PLEKHA5: variants seen among roughly 807,000 people sequenced by gnomAD.
PLEKHA5 encodes pleckstrin homology domain-containing family A member 5.
Under a neutral mutation model 181.9 loss-of-function variants are expected in PLEKHA5, and 55 were observed. The observed-to-expected ratio is 0.30, with a 90% confidence interval of 0.24 to 0.38. PLEKHA5 has a LOEUF of 0.38. Among genes scored for constraint, PLEKHA5 ranks in the 10% least tolerant of loss-of-function variants. The probability of loss-of-function intolerance (pLI) is 1.00; values close to 1 mark genes in which losing one functional copy is unlikely to be tolerated. For synonymous variants in PLEKHA5, 535 were observed against 529.4 expected (o/e 1.01, Z -0.15); for missense variants, 1,432 against 1,549.5 (o/e 0.92, Z 1.27).
chr12:19,310,170 T>C (rs781404145), intron 15 of PLEKHA5, among the ~76,000 whole-genome samples: 5 of 152,180 alleles, frequency 3.3e-5, no homozygotes, highest in Non-Finnish European at 7.3e-5. Context: ...TTCAAGTGAA[T>C]CCTTAAACAT....
chr12:19,225,569 G>T (rs1270914293), intron 3 of PLEKHA5, among the ~76,000 whole-genome samples: 1 of 152,132 alleles, frequency 6.6e-6, no homozygotes, highest in Non-Finnish European at 1.5e-5. Context: ...AGAAGAACAA[G>T]ACAGTAGGAA....
intron 15 of PLEKHA5, 84 bp downstream of exon 15, chr12:19,291,781 T>G: frequency 1.5e-6 from 1 of 677,140 alleles, no homozygotes; most frequent in East Asian, 2.9e-5. Flanking sequence ...TCTCAGCTAT[T>G]TCAGTCACGT....
At chr12:19,139,724 GT>G (rs2036737643) in intron 3 of PLEKHA5, among the ~76,000 whole-genome samples, 1 of 152,188 alleles carries the variant, frequency 6.6e-6, no homozygotes, top group Non-Finnish European at 1.5e-5. Context: ...GCCTTAGCCC[GT>G]TGTGGGGGTT....
At position 19,263,168 on chromosome 12, in the gene PLEKHA5, CTATA is replaced by C. The variant is rs1207276339; in HGVS notation, c.610+2151_610+2154del. ...TAGATTTCAGTGAGATCATAATAGCCTATATATTTTTTTTTGCATATTTAGTATT... is the reference window on the plus strand; with the variant it reads ...TAGATTTCAGTGAGATCATAATAGCCTATTTTTTTTTGCATATTTAGTATT... On this transcript the variant is annotated intron_variant, in intron 7 of 31. Transcript: ENST00000429027. Among the ~76,000 whole-genome samples the C allele has an allele frequency of 3.4e-5, 5 of 147,718 alleles. No homozygotes were observed. In the South Asian group the frequency reaches 1.1e-3, roughly 32 times the overall value.
Position 19,348,395 on chromosome 12 carries a change from C to A in PLEKHA5, c.2899-4C>A. 6.4e-7 allele frequency: 1 copy of A among 1,572,732 alleles called. No individual in the cohort carries two copies. Among genetic ancestry groups the A allele is most frequent in the South Asian group, 1.2e-5 (1 of 83,334 alleles). On this transcript the variant is annotated splice_polypyrimidine_tract_variant and splice_region_variant and intron_variant, in intron 24 of 31. Transcript: ENST00000429027. ...TTAGGGTAATTACATGTCTTCCTTT[C>A]AAGGGTCCAGATTATAGACTCTACA...
intron 3 of PLEKHA5, among the ~76,000 whole-genome samples, chr12:19,168,341 A>T (rs2151614866): frequency 6.6e-6 from 1 of 152,290 alleles, no homozygotes; most frequent in South Asian, 2.1e-4. Flanking sequence ...TTTATGTATA[A>T]ATAGACTATT....
intron 13 of PLEKHA5, among the ~76,000 whole-genome samples, chr12:19,288,566 C>T (rs1842832086): frequency 6.6e-6 from 1 of 152,152 alleles, no homozygotes; most frequent in South Asian, 2.1e-4. Flanking sequence ...AAATTCTCTT[C>T]CTGCAGTAAT....
At chr12:19,358,193 A>G (rs2095054039) in intron 26 of PLEKHA5, 35 bp from the exon 27 acceptor site, 1 of 1,389,592 alleles carries the variant, frequency 7.2e-7, no homozygotes, top group South Asian at 1.2e-5. Context: ...AGAAGTTTTC[A>G]TTTATGTATT....
chr12:19,166,352 C>T (rs1414395935), intron 3 of PLEKHA5, among the ~76,000 whole-genome samples: 1 of 152,194 alleles, frequency 6.6e-6, no homozygotes, highest in African/African-American at 2.4e-5. Context: ...AAATGTCTTG[C>T]ATCTAATGTT....
At chr12:19,293,350 A>G (rs1427679802) in intron 15 of PLEKHA5, among the ~76,000 whole-genome samples, 4 of 152,146 alleles carry the variant, frequency 2.6e-5, no homozygotes, top group East Asian at 1.9e-4. Context: ...TCCACAAAAC[A>G]TTTTCATCAG....
At chr12:19,368,222 G>A (rs979720613) in intron 30 of PLEKHA5, among the ~76,000 whole-genome samples, 2 of 152,154 alleles carry the variant, frequency 1.3e-5, no homozygotes, top group African/African-American at 2.4e-5. Flanking sequence ...TGGGTGCAGT[G>A]GCTCACGCCT....
At chr12:19,340,118 A>G (rs912387223) in intron 21 of PLEKHA5, among the ~76,000 whole-genome samples, 5 of 152,166 alleles carry the variant, frequency 3.3e-5, no homozygotes, top group African/African-American at 1.2e-4. Flanking sequence ...TAGACAGAGT[A>G]AAAAGATGAC....
intron 10 of PLEKHA5, among the ~76,000 whole-genome samples, chr12:19,272,224 A>G (rs1295451701): frequency 6.6e-6 from 1 of 152,122 alleles, no homozygotes; most frequent in East Asian, 1.9e-4. Context: ...TAAGCCCATT[A>G]TTTTCATTTT....
intron 3 of PLEKHA5, chr12:19,153,976 T>C (rs1221791869): frequency 6.6e-6 from 1 of 152,200 alleles, no homozygotes; most frequent in Admixed American, 6.5e-5. Flanking sequence ...AGTTTTCAAA[T>C]GTTGCAGTGA....
intron 26 of PLEKHA5, among the ~76,000 whole-genome samples, chr12:19,356,974 A>G (rs1386738447): frequency 1.3e-5 from 2 of 151,738 alleles, no homozygotes; most frequent in South Asian, 2.1e-4. Flanking sequence ...ATTTTCAAAT[A>G]TGACTGATTT....
At chr12:19,215,411 G>A (rs1366951372) in intron 3 of PLEKHA5, among the ~76,000 whole-genome samples, 1 of 152,108 alleles carries the variant, frequency 6.6e-6, no homozygotes, top group African/African-American at 2.4e-5. Flanking sequence ...CTAGCATGCA[G>A]AAATGGCCAG....
chr12:19,135,527 T>G (rs1185048131), intron 3 of PLEKHA5, among the ~76,000 whole-genome samples: 1 of 152,190 alleles, frequency 6.6e-6, no homozygotes, highest in African/African-American at 2.4e-5. Flanking sequence ...TCTATCCTTC[T>G]TAACTATTTT....
rs1429144659 is a variant in PLEKHA5, at chr12:19,275,002, A to C, written c.1313+19A>C. The C allele has an allele frequency of 1.3e-6, 2 of 1,529,184 alleles. No homozygotes were observed. Among genetic ancestry groups the C allele is most frequent in the Non-Finnish European group, 8.9e-7 (1 of 1,117,650 alleles). The allele number at this position is 1,529,184 out of a possible 1,614,324, so 94.7% of individuals were successfully genotyped here. On this transcript the variant is annotated intron_variant, in intron 11 of 31. Transcript: ENST00000429027. Reference sequence around the variant, plus strand: ...CCAGGGGGTAAGTGTCTGTCTTGTCATTATGAACCCAGGTTTCTTTGATGC... The same window carrying C: ...CCAGGGGGTAAGTGTCTGTCTTGTCCTTATGAACCCAGGTTTCTTTGATGC...
At chr12:19,236,991 C>T (rs1301674697) in intron 3 of PLEKHA5, 1 of 152,118 alleles carries the variant, frequency 6.6e-6, no homozygotes, top group African/African-American at 2.4e-5. Context: ...TTCTTTTTGC[C>T]TGTAATTGAA....
Sources: allele counts gnomAD v4.1 joint callset (sites outside exome capture counted in the v4.1 genomes callset), GRCh38; gene constraint gnomAD v4.1.1; transcripts MANE v1.5; gene names NCBI Gene and HGNC (gene_info 2026-07-23, HGNC 2026-07-21).